Variants in FYN observed in about 807,000 individuals in gnomAD.
The protein encoded by FYN is tyrosine-protein kinase Fyn.
FYN carries 10 observed loss-of-function variants against 70.2 expected under a neutral mutation model. The ratio of observed to expected loss-of-function variants is 0.14; its 90% CI spans 0.09 to 0.24. The LOEUF (loss-of-function observed/expected upper bound fraction) is 0.24. Among genes scored for constraint, FYN ranks in the 10% least tolerant of loss-of-function variants. The pLI is 1.00. For missense variants in FYN, 319 were observed against 673.1 expected (o/e 0.47, Z 5.82); for synonymous variants, 236 against 248.6 (o/e 0.95, Z 0.48).
intron 12 of FYN, among the ~76,000 whole-genome samples, chr6:111,683,319 G>T (rs563144620): frequency 6.6e-6 from 1 of 152,268 alleles, no homozygotes; most frequent in African/African-American, 2.4e-5. Flanking sequence ...CTCTCCTTGC[G>T]GTGGGGAGGG....
intron 3 of FYN, among the ~76,000 whole-genome samples, chr6:111,772,860 G>A (rs1803505160): frequency 6.7e-6 from 1 of 149,848 alleles, no homozygotes; most frequent in South Asian, 2.1e-4. Flanking sequence ...GGTGGGGGCG[G>A]GGAGGTAAGT....
chr6:111,778,950 T>G (rs1026157358), intron 3 of FYN, among the ~76,000 whole-genome samples: 1 of 152,004 alleles, frequency 6.6e-6, no homozygotes, highest in Non-Finnish European at 1.5e-5. Context: ...AGCATACAAC[T>G]GCATAAATAC....
intron 2 of FYN, among the ~76,000 whole-genome samples, chr6:111,812,863 T>C (rs1772370717): frequency 6.6e-6 from 1 of 152,092 alleles, no homozygotes; most frequent in African/African-American, 2.4e-5. Flanking sequence ...TGAAATTCTT[T>C]AGATAAAAGA....
chr6:111,847,025 T>G (rs1773550417), intron 1 of FYN, among the ~76,000 whole-genome samples: 1 of 152,210 alleles, frequency 6.6e-6, no homozygotes, highest in South Asian at 2.1e-4. Context: ...AAGGTCTTAC[T>G]CAATTTACCT....
At chr6:111,667,887 CA>C (rs1798081091) in intron 13 of FYN, among the ~76,000 whole-genome samples, 1 of 152,216 alleles carries the variant, frequency 6.6e-6, no homozygotes, top group African/African-American at 2.4e-5. Context: ...CTATGGGTTG[CA>C]AAACCTGGGT....
At chr6:111,788,647 T>C (rs903125239) in intron 2 of FYN, among the ~76,000 whole-genome samples, 7 of 152,150 alleles carry the variant, frequency 4.6e-5, no homozygotes, top group African/African-American at 1.7e-4. Context: ...ATTTAAAATA[T>C]AGTATAGTCC....
intron 3 of FYN, among the ~76,000 whole-genome samples, chr6:111,750,281 GTCC>G (rs1802426079): frequency 6.6e-6 from 1 of 152,202 alleles, no homozygotes; most frequent in Non-Finnish European, 1.5e-5. Context: ...CCTTGGTACT[GTCC>G]TCATGACAGT....
rs145649609 is a variant in FYN, at chr6:111,691,559, T to A, written c.1273+2816A>T. 4.8e-3 allele frequency among the ~76,000 whole-genome samples: 730 copies of A among 152,248 alleles called. 5 individuals are homozygous for A. Among genetic ancestry groups the A allele is most frequent in the African/African-American group, 0.017 (697 of 41,542 alleles). On this transcript the variant is annotated intron_variant, in intron 12 of 13. Coordinates refer to ENST00000354650, the MANE Select transcript of FYN (RefSeq NM_002037.5). ...ACTTCAGCACACAGCACACATGCCA[T>A]CTGCAGAGTACACCAGCAGACACAC...
chr6:111,731,109 G>A (rs1202973978), intron 3 of FYN, among the ~76,000 whole-genome samples: 1 of 152,330 alleles, frequency 6.6e-6, no homozygotes, highest in Admixed American at 6.5e-5. Context: ...GGACCGCTGA[G>A]AATGAAAGCC....
At chr6:111,839,082 C>G (rs886690438) in intron 2 of FYN, among the ~76,000 whole-genome samples, 1 of 152,214 alleles carries the variant, frequency 6.6e-6, no homozygotes, top group Non-Finnish European at 1.5e-5. Context: ...AGTCCCTGCA[C>G]ATCTGCATGC....
chr6:111,794,549 C>G (rs1470948501), intron 2 of FYN, among the ~76,000 whole-genome samples: 1 of 152,202 alleles, frequency 6.6e-6, no homozygotes, highest in Non-Finnish European at 1.5e-5. Flanking sequence ...GCCTGCGGAT[C>G]AGATCTGGCC....
At chr6:111,868,949 T>C (rs1171362161) in intron 1 of FYN, among the ~76,000 whole-genome samples, 2 of 152,250 alleles carry the variant, frequency 1.3e-5, no homozygotes, top group African/African-American at 2.4e-5. Flanking sequence ...CGTGAACTTC[T>C]GAAAAGCAAG....
At chr6:111,666,621 T>G (rs987365319) in intron 13 of FYN, among the ~76,000 whole-genome samples, 2 of 152,130 alleles carry the variant, frequency 1.3e-5, no homozygotes, top group Non-Finnish European at 2.9e-5. Context: ...CCGCTTGAGC[T>G]CAGGAGTTCG....
intron 3 of FYN, among the ~76,000 whole-genome samples, chr6:111,768,619 C>T (rs1056580482): frequency 6.6e-6 from 1 of 152,226 alleles, no homozygotes. Context: ...TTTTTAATAT[C>T]ATCTCAGGTA....
chr6:111,731,688 GTCTA>G (rs1050825009), intron 3 of FYN, among the ~76,000 whole-genome samples: 2 of 152,190 alleles, frequency 1.3e-5, no homozygotes, highest in Non-Finnish European at 2.9e-5. Flanking sequence ...AGAAAGCATA[GTCTA>G]TCTAATTCCA....
At chr6:111,678,140 GTGT>G (rs1798625720) in intron 12 of FYN, among the ~76,000 whole-genome samples, 1 of 151,084 alleles carries the variant, frequency 6.6e-6, no homozygotes, top group Non-Finnish European at 1.5e-5. Context: ...GTGTGTGTGT[GTGT>G]GTGTGTGGTG....
chr6:111,680,320 T>C (rs186706916), intron 12 of FYN, among the ~76,000 whole-genome samples: 19 of 152,260 alleles, frequency 1.2e-4, no homozygotes, highest in African/African-American at 4.6e-4. Context: ...GAAGCTTAGT[T>C]TGAGGGAGAT....
At position 111,694,291 on chromosome 6, in the gene FYN, G is replaced by A. The variant is rs2128435762; in HGVS notation, c.1273+84C>T. 2 of 1,508,654 alleles carry A rather than the reference G, an allele frequency of 1.3e-6. No individual in the cohort carries two copies. Among genetic ancestry groups the A allele is most frequent in the Admixed American group, 3.5e-5 (2 of 56,792 alleles). 93.5% of individuals were successfully genotyped at this position (1,508,654 alleles called of 1,614,324 possible). A position where few individuals can be genotyped will look rare whatever the true frequency, so the allele number is the denominator to read the frequency against. On this transcript the variant is annotated intron_variant, in intron 12 of 13. Transcript: ENST00000354650. This position sits in a 1 kb window ranked among gnomAD's most constrained non-coding sequence, Gnocchi z 5.0. ...ATTTCAAGTATTTTCTGAAGGAAGG[G>A]AAGGGAAGGAGGAAGGAAGGGCTGT...
chr6:111,710,632 A>T (rs1800327342), intron 5 of FYN, among the ~76,000 whole-genome samples: 1 of 152,198 alleles, frequency 6.6e-6, no homozygotes, highest in Non-Finnish European at 1.5e-5. Context: ...TTCAATGTTT[A>T]TTATGTAGTA....
Sources: allele counts gnomAD v4.1 joint callset (sites outside exome capture counted in the v4.1 genomes callset), GRCh38; gene constraint gnomAD v4.1.1; non-coding constraint Gnocchi (gnomAD v3.1); transcripts MANE v1.5; gene names NCBI Gene and HGNC (gene_info 2026-07-23, HGNC 2026-07-21).